The following NT5C1B variants were observed in gnomAD, a reference collection of about 807,000 sequenced individuals.
NT5C1B encodes the protein cytosolic 5'-nucleotidase 1B.
In NT5C1B, 44 loss-of-function variants were observed where a neutral mutation model predicts 57.8. The ratio of observed to expected loss-of-function variants is 0.76; its 90% CI spans 0.60 to 0.98. The LOEUF (loss-of-function observed/expected upper bound fraction) is 0.98, where lower values mean the gene tolerates loss of function less well. NT5C1B is among the 50% of genes least tolerant of loss of function. The probability of loss-of-function intolerance (pLI) is 0.00; values close to 1 mark genes in which losing one functional copy is unlikely to be tolerated. For synonymous variants in NT5C1B, 284 were observed against 282.6 expected (o/e 1.00, Z -0.05); for missense variants, 742 against 719.5 (o/e 1.03, Z -0.36).
intron 5 of NT5C1B, 62 bp from the exon 6 acceptor site, chr2:18,583,059 G>C: frequency 1.3e-6 from 2 of 1,564,518 alleles, no homozygotes; most frequent in South Asian, 1.2e-5. Context: ...TGGGGAGGCC[G>C]GAGAGGAAGC....
At chr2:18,580,210 TG>T (rs1379705387) in intron 6 of NT5C1B, among the ~76,000 whole-genome samples, 4 of 152,164 alleles carry the variant, frequency 2.6e-5, no homozygotes, top group African/African-American at 9.7e-5. Context: ...TCAGCTGGTG[TG>T]GAAAGCAGAT....
exon 3 of NT5C1B, chr2:18,586,354 C>A: frequency 1.2e-6 from 2 of 1,614,096 alleles, no homozygotes; most frequent in Non-Finnish European, 1.7e-6. Flanking sequence ...AAGGTACCCT[C>A]GAGAGTCTGT....
intron 8 of NT5C1B, among the ~76,000 whole-genome samples, chr2:18,569,216 C>A (rs1029100083): frequency 6.6e-6 from 1 of 151,694 alleles, no homozygotes; most frequent in Non-Finnish European, 1.5e-5. Context: ...TAAACACTAG[C>A]GTAACTAATA....
At chr2:18,576,459 T>C (rs1665688410) in intron 7 of NT5C1B, 91 bp from the exon 8 acceptor site, 1 of 1,468,116 alleles carries the variant, frequency 6.8e-7, no homozygotes, top group East Asian at 2.4e-5. Flanking sequence ...CCAGACCTTA[T>C]GTTTTCTCTC....
Position 18,584,850 on chromosome 2 carries a change from C to T in NT5C1B, c.387G>A (p.Leu129=), listed in dbSNP as rs1403093575. 6.2e-7 allele frequency: 1 copy of T among 1,608,062 alleles called. No individual in the cohort carries two copies. The highest frequency in any genetic ancestry group is 8.5e-7 in the Non-Finnish European group (1 of 1,178,182). Residue 129 remains leucine (L), a synonymous_variant, in exon 4 of 9, where the codon CTG becomes CTA. Transcript: ENST00000304081. The surrounding 1 kb of genome is among the most constrained non-coding windows in gnomAD (Gnocchi z 5.8). ...CTGGGGGCGTGGGAGGCCGCGAGTC[C>T]AGCGACCGGGGCAGCTGGGGCGACG...
intron 8 of NT5C1B, among the ~76,000 whole-genome samples, chr2:18,575,077 A>C (rs899396754): frequency 5.9e-5 from 9 of 152,064 alleles, no homozygotes; most frequent in African/African-American, 2.2e-4. Flanking sequence ...GGAAAATACT[A>C]CTTTAACATT....
At chr2:18,571,610 A>C (rs953970630) in intron 8 of NT5C1B, among the ~76,000 whole-genome samples, 1 of 151,016 alleles carries the variant, frequency 6.6e-6, no homozygotes, top group Non-Finnish European at 1.5e-5. Flanking sequence ...TAAAATAAAA[A>C]TAAAAAATTC....
chr2:18,585,265 C>A, intron 3 of NT5C1B: 1 of 681,792 alleles, frequency 1.5e-6, no homozygotes, highest in Non-Finnish European at 2.7e-6. Flanking sequence ...CTTCCTCCCC[C>A]TTAGGCAGCT....
chr2:18,565,372 A>T (rs1354152113), intron 8 of NT5C1B, among the ~76,000 whole-genome samples: 5 of 152,206 alleles, frequency 3.3e-5, no homozygotes, highest in Non-Finnish European at 7.3e-5. Flanking sequence ...TCTCAAAAAC[A>T]TCTTATGGTA....
chr2:18,585,097 C>G, intron 3 of NT5C1B, 119 bp from the exon 4 acceptor site: 1 of 1,345,894 alleles, frequency 7.4e-7, no homozygotes, highest in Non-Finnish European at 1.1e-6. Context: ...CATCTCAGCT[C>G]CTTAAGTAGG....
At chr2:18,576,465 C>T in intron 7 of NT5C1B, 97 bp from the exon 8 acceptor site, 1 of 1,448,822 alleles carries the variant, frequency 6.9e-7, no homozygotes, top group East Asian at 2.4e-5. Flanking sequence ...CTTATGTTTT[C>T]TCTCTAGCTA....
intron 6 of NT5C1B, among the ~76,000 whole-genome samples, chr2:18,577,243 C>T (rs1396745001): frequency 3.3e-5 from 5 of 151,862 alleles, no homozygotes; most frequent in African/African-American, 9.7e-5. Context: ...ACTTATCTAA[C>T]ACACTGATTT....
intron 1 of NT5C1B, among the ~76,000 whole-genome samples, chr2:18,587,986 T>G (rs970613738): frequency 7.2e-5 from 11 of 152,206 alleles, no homozygotes; most frequent in Non-Finnish European, 1.6e-4. Context: ...AGAATTCAAT[T>G]TTTTCTTGTT....
chr2:18,569,274 G>A lies in NT5C1B; in HGVS notation c.1330-5155C>T, dbSNP rs184157187. Among the ~76,000 whole-genome samples the A allele has an allele frequency of 6.6e-5, 10 of 152,052 alleles. No homozygotes were observed. The East Asian group carries it at 1.5e-3, about 23-fold the overall frequency. ...GCCAATAGTGGAGATAAAATGGAAC[G>A]TAAAAACACACAATAAGTCTGTAAG... On this transcript the variant is annotated intron_variant, in intron 8 of 8. Coordinates refer to ENST00000304081, the Ensembl canonical transcript of NT5C1B.
chr2:18,587,543 C>CT lies in NT5C1B; in HGVS notation c.79dup (p.Arg27LysfsTer5), dbSNP rs1432018687. ...AACTCCTGTTTTGTCAGATTCCTTT[C>CT]TTTTTTCTGCTTCTAGACTCTCTTT... On this transcript the variant is annotated frameshift_variant, in exon 2 of 9. Coordinates refer to ENST00000304081, the Ensembl canonical transcript of NT5C1B. LOFTEE classifies it high-confidence loss of function. 6 of 1,613,772 alleles carry CT rather than the reference C, an allele frequency of 3.7e-6. No homozygotes were observed. The highest frequency in any genetic ancestry group is 5.1e-6 in the Non-Finnish European group (6 of 1,180,008).
chr2:18,585,592 C>G (rs531148287), intron 3 of NT5C1B, among the ~76,000 whole-genome samples: 5 of 152,286 alleles, frequency 3.3e-5, no homozygotes, highest in African/African-American at 1.2e-4. Flanking sequence ...TACATAGAAT[C>G]ATCTTCCCAA....
intron 8 of NT5C1B, among the ~76,000 whole-genome samples, chr2:18,568,491 A>G (rs1572309868): frequency 6.6e-6 from 1 of 152,218 alleles, no homozygotes; most frequent in South Asian, 2.1e-4. Context: ...GAAAAACCTG[A>G]TCTACACAAA....
At chr2:18,574,822 C>A (rs1665531101) in intron 8 of NT5C1B, among the ~76,000 whole-genome samples, 1 of 151,916 alleles carries the variant, frequency 6.6e-6, no homozygotes, top group Non-Finnish European at 1.5e-5. Context: ...AGTATTCTTA[C>A]CACAATACAA....
At chr2:18,576,485 G>A in intron 7 of NT5C1B, 117 bp from the exon 8 acceptor site, 1 of 1,354,350 alleles carries the variant, frequency 7.4e-7, no homozygotes. Context: ...ATTACCTGAT[G>A]GCTCAACTCC....
Sources: gnomAD v4.1 joint callset for allele counts (sites outside exome capture counted in the v4.1 genomes callset) on GRCh38, gnomAD v4.1.1 for gene constraint, Gnocchi (gnomAD v3.1) non-coding constraint, MANE v1.5 for transcripts, NCBI Gene and HGNC (gene_info 2026-07-23, HGNC 2026-07-21) for gene names.